The following CCSER1 variants were observed in gnomAD, a reference collection of about 807,000 sequenced individuals.
The protein encoded by CCSER1 is coiled-coil serine rich protein 1, also known as serine-rich coiled-coil domain-containing protein 1.
Under a neutral mutation model 82.0 loss-of-function variants are expected in CCSER1, and 41 were observed. The observed-to-expected ratio is 0.50, with a 90% CI of 0.39 to 0.65. CCSER1 has a LOEUF of 0.65. Ranked by LOEUF, CCSER1 falls within the 30% of genes least tolerant of loss-of-function variation. The pLI is 0.00. For missense variants in CCSER1, 1,119 were observed against 1,064.2 expected, an observed-to-expected ratio of 1.05 and a Z score of -0.72; for synonymous variants, 414 against 383.9, an observed-to-expected ratio of 1.08 and a Z score of -0.92.
At chr4:91,484,467 A>C (rs1758113832) in intron 10 of CCSER1, among the ~76,000 whole-genome samples, 1 of 152,190 alleles carries the variant, frequency 6.6e-6, no homozygotes, top group Non-Finnish European at 1.5e-5. Flanking sequence ...AAATCAATGA[A>C]TCCATTCTGG....
chr4:91,305,589 G>T (rs552490237), intron 10 of CCSER1, among the ~76,000 whole-genome samples: 1 of 151,662 alleles, frequency 6.6e-6, no homozygotes, highest in African/African-American at 2.4e-5. Context: ...ATTTATTTTT[G>T]GTCTTCTGCT....
intron 8 of CCSER1, among the ~76,000 whole-genome samples, chr4:90,819,466 C>T (rs1373104609): frequency 2.0e-5 from 3 of 152,016 alleles, no homozygotes; most frequent in Non-Finnish European, 2.9e-5. Flanking sequence ...ATTAAATGCA[C>T]GTTTCAAAAA....
At chr4:90,608,393 G>A (rs532102889) in intron 5 of CCSER1, among the ~76,000 whole-genome samples, 131 of 152,198 alleles carry the variant, frequency 8.6e-4, no homozygotes, top group African/African-American at 3.1e-3. Context: ...CTCCTAAAGG[G>A]TCCTCTGATT....
At chr4:90,584,877 A>T (rs1336619482) in intron 5 of CCSER1, among the ~76,000 whole-genome samples, 3 of 152,200 alleles carry the variant, frequency 2.0e-5, no homozygotes, top group Non-Finnish European at 4.4e-5. Context: ...CAATGATTTA[A>T]TGGAATTTTT....
At chr4:90,564,982 C>T (rs943179171) in intron 5 of CCSER1, among the ~76,000 whole-genome samples, 3 of 151,294 alleles carry the variant, frequency 2.0e-5, no homozygotes, top group Non-Finnish European at 4.4e-5. Flanking sequence ...ATTCTTTTTG[C>T]TCAAGATTGC....
intron 9 of CCSER1, among the ~76,000 whole-genome samples, chr4:91,000,475 T>A (rs1290942584): frequency 6.6e-6 from 1 of 152,064 alleles, no homozygotes; most frequent in Non-Finnish European, 1.5e-5. Context: ...ACATTGGTGG[T>A]TTGATAGGAA....
intron 10 of CCSER1, among the ~76,000 whole-genome samples, chr4:91,375,840 A>G (rs1369468921): frequency 8.6e-6 from 1 of 115,716 alleles, no homozygotes; most frequent in African/African-American, 2.9e-5. Context: ...AAAGAGACCT[A>G]TGTACTAATA....
intron 10 of CCSER1, among the ~76,000 whole-genome samples, chr4:91,433,732 T>A (rs1754467583): frequency 1.3e-5 from 2 of 152,200 alleles, no homozygotes; most frequent in African/African-American, 4.8e-5. Context: ...GTACATCTTA[T>A]GATATGTGCA....
intron 5 of CCSER1, among the ~76,000 whole-genome samples, chr4:90,607,437 T>G (rs1784873492): frequency 6.6e-6 from 1 of 152,160 alleles, no homozygotes; most frequent in South Asian, 2.1e-4. Flanking sequence ...TTAGAGGCTA[T>G]AAGTCTCATA....
At chr4:90,432,205 T>C (rs1219736789) in intron 4 of CCSER1, among the ~76,000 whole-genome samples, 2 of 152,176 alleles carry the variant, frequency 1.3e-5, no homozygotes, top group Non-Finnish European at 2.9e-5. Context: ...ATAATACTTA[T>C]GGTAGTAATC....
At chr4:91,432,237 C>T (rs2149394679) in intron 10 of CCSER1, among the ~76,000 whole-genome samples, 1 of 152,270 alleles carries the variant, frequency 6.6e-6, no homozygotes, top group African/African-American at 2.4e-5. Context: ...AACCTCTTTT[C>T]TCTATAGATT....
chr4:90,320,623 G>T lies in CCSER1; in HGVS notation c.1509+7576G>T, dbSNP rs190801610. ...ATATCTTGGTCAAATATGGGTAAGC[G>T]AAGATTTTTAAAATCCGCTGCTATT... On this transcript the variant is annotated intron_variant, in intron 3 of 10. Transcript: ENST00000509176. Among the ~76,000 whole-genome samples, 5 of 152,224 alleles carry T rather than the reference G, an allele frequency of 3.3e-5. No homozygotes were observed. In the South Asian group the frequency reaches 1.0e-3, roughly 32 times the overall value.
intron 10 of CCSER1, among the ~76,000 whole-genome samples, chr4:91,205,821 C>G (rs1167673492): frequency 2.0e-5 from 3 of 151,746 alleles, no homozygotes; most frequent in Non-Finnish European, 4.4e-5. Flanking sequence ...AGACATTTTA[C>G]TATTCAATAT....
At chr4:91,583,300 A>C (rs12651648) in intron 10 of CCSER1, among the ~76,000 whole-genome samples, 16,499 of 151,318 alleles carry the variant, frequency 0.11, 919 homozygotes, top group Middle Eastern at 0.18. Context: ...GTATTTCTCT[A>C]TAATATGCTA....
At chr4:90,604,586 G>C (rs1042476888) in intron 5 of CCSER1, among the ~76,000 whole-genome samples, 1 of 152,156 alleles carries the variant, frequency 6.6e-6, no homozygotes, top group Non-Finnish European at 1.5e-5. Context: ...CATTGCAGGC[G>C]AGCTGCCCGC....
intron 7 of CCSER1, among the ~76,000 whole-genome samples, chr4:90,783,296 G>A (rs1470058145): frequency 1.3e-5 from 2 of 152,094 alleles, no homozygotes; most frequent in African/African-American, 2.4e-5. Context: ...GATAAATTAG[G>A]ACATAAAACT....
At chr4:91,356,082 G>C (rs1370745155) in intron 10 of CCSER1, among the ~76,000 whole-genome samples, 1 of 152,218 alleles carries the variant, frequency 6.6e-6, no homozygotes, top group Non-Finnish European at 1.5e-5. Flanking sequence ...TAGCTTATCT[G>C]TTTCTTGTGC....
At chr4:91,519,151 C>A (rs1052549504) in intron 10 of CCSER1, among the ~76,000 whole-genome samples, 1 of 152,178 alleles carries the variant, frequency 6.6e-6, no homozygotes, top group Non-Finnish European at 1.5e-5. Flanking sequence ...GGTCAGGAGG[C>A]TGCGCCCAAT....
At chr4:90,296,614 T>G (rs931339858) in intron 1 of CCSER1, among the ~76,000 whole-genome samples, 7 of 152,170 alleles carry the variant, frequency 4.6e-5, no homozygotes, top group South Asian at 4.1e-4. Flanking sequence ...TCTAGGGTTT[T>G]TATGGTTTTA....
Sources: allele counts gnomAD v4.1 joint callset (sites outside exome capture counted in the v4.1 genomes callset), GRCh38; gene constraint gnomAD v4.1.1; transcripts MANE v1.5; gene names NCBI Gene and HGNC (gene_info 2026-07-23, HGNC 2026-07-21).